The following PLD5 variants were observed in gnomAD, a reference collection of about 807,000 sequenced individuals.
The protein encoded by PLD5 is phospholipase D family member 5.
In PLD5, 36 loss-of-function variants were observed where a neutral mutation model predicts 61.1. The ratio of observed to expected loss-of-function variants is 0.59; its 90% CI spans 0.45 to 0.78. The LOEUF (loss-of-function observed/expected upper bound fraction) is 0.78. PLD5 is among the 30% of genes least tolerant of loss of function. The probability of loss-of-function intolerance (pLI) is 0.00; values close to 1 mark genes in which losing one functional copy is unlikely to be tolerated. For synonymous variants in PLD5, 243 were observed against 242.8 expected (o/e 1.00, Z -0.01); for missense variants, 515 against 644.4 (o/e 0.80, Z 2.17).
intron 1 of PLD5, among the ~76,000 whole-genome samples, chr1:242,521,891 GA>G (rs1463736277): frequency 2.6e-5 from 4 of 152,024 alleles, no homozygotes; most frequent in Admixed American, 1.3e-4. Flanking sequence ...ATTTCTATTA[GA>G]AATTACCATC....
chr1:242,325,281 T>C (rs1361903283), intron 2 of PLD5, among the ~76,000 whole-genome samples: 1 of 151,664 alleles, frequency 6.6e-6, no homozygotes, highest in Non-Finnish European at 1.5e-5. Flanking sequence ...ACCAATGTGC[T>C]GTAACTGTAA....
chr1:242,419,198 C>T (rs115871253), intron 1 of PLD5, among the ~76,000 whole-genome samples: 229 of 152,048 alleles, frequency 1.5e-3, no homozygotes, highest in African/African-American at 5.3e-3. Flanking sequence ...ATGAGATGGG[C>T]GCCTGGGTGG....
intron 5 of PLD5, among the ~76,000 whole-genome samples, chr1:242,197,632 ACTTT>A (rs57586304): frequency 0.15 from 21,497 of 141,408 alleles, 1,582 homozygotes; most frequent in East Asian, 0.18. Context: ...TTAATTGCAC[ACTTT>A]TTTTTTTTTT....
rs561252431 is a variant in PLD5, at chr1:242,510,633, CAGG to C, written c.189+13452_189+13454del. Among the ~76,000 whole-genome samples, 10 of 152,226 alleles carry C rather than the reference CAGG, an allele frequency of 6.6e-5. 1 individual carries two copies. The South Asian group carries it at 1.9e-3, about 28-fold the overall frequency. ...GGCCGAGGCGGGTGGATCATGAGGTCAGGAGATCGAGACCATTCTGGATAACAC... is the reference window on the plus strand; with the variant it reads ...GGCCGAGGCGGGTGGATCATGAGGTCAGATCGAGACCATTCTGGATAACAC... On this transcript the variant is annotated intron_variant, in intron 1 of 9. Transcript: ENST00000536534.
At chr1:242,497,397 C>T (rs977601366) in intron 1 of PLD5, among the ~76,000 whole-genome samples, 1 of 152,120 alleles carries the variant, frequency 6.6e-6, no homozygotes, top group African/African-American at 2.4e-5. Context: ...AAAAAATGAC[C>T]TCTCAGATGC....
chr1:242,171,276 A>C (rs974913521), intron 5 of PLD5, among the ~76,000 whole-genome samples: 10 of 152,334 alleles, frequency 6.6e-5, no homozygotes, highest in Middle Eastern at 3.4e-3. Flanking sequence ...TTTCATATCC[A>C]GCCAAACAGA....
At chr1:242,144,258 T>A (rs1047443925) in intron 5 of PLD5, among the ~76,000 whole-genome samples, 15 of 91,068 alleles carry the variant, frequency 1.6e-4, no homozygotes, top group African/African-American at 2.3e-4. Context: ...ATTTTATTTT[T>A]TTTTTAAAAT....
At chr1:242,504,613 A>G (rs966023073) in intron 1 of PLD5, among the ~76,000 whole-genome samples, 13 of 152,322 alleles carry the variant, frequency 8.5e-5, no homozygotes, top group Admixed American at 6.5e-4. Context: ...TAAATTCTAA[A>G]GTCTCCCCCA....
chr1:242,321,663 C>T (rs1574728617), intron 2 of PLD5, among the ~76,000 whole-genome samples: 1 of 152,142 alleles, frequency 6.6e-6, no homozygotes, highest in East Asian at 1.9e-4. Context: ...TTCTCTCCCT[C>T]CCATAACCTG....
At position 242,202,347 on chromosome 1, in the gene PLD5, A is replaced by T. The variant is rs79434842; in HGVS notation, c.735+17641T>A. Among the ~76,000 whole-genome samples, 570 of 152,286 alleles carry T rather than the reference A, an allele frequency of 3.7e-3. 1 individual carries two copies. The highest frequency in any genetic ancestry group is 6.5e-3 in the Admixed American group (100 of 15,300). On this transcript the variant is annotated intron_variant, in intron 5 of 9. Transcript: ENST00000536534. ...TCCCTGACATGTGCTGAGGGTTACTAATAATAATAATCATGGTGATGATGA... is the reference window on the plus strand; with the variant it reads ...TCCCTGACATGTGCTGAGGGTTACTTATAATAATAATCATGGTGATGATGA...
rs562622251 is a variant in PLD5 at position 242,414,896 on chromosome 1, T to TA, written c.190-66655dup. On this transcript the variant is annotated intron_variant, in intron 1 of 9. Transcript: ENST00000536534. Reference sequence around the variant, plus strand: ...CTTGTATCACAGATGAAGGGGTTGGTAAAATAGAAAAGGAAAAAGACCAAT... The same window carrying TA: ...CTTGTATCACAGATGAAGGGGTTGGTAAAAATAGAAAAGGAAAAAGACCAAT... Among the ~76,000 whole-genome samples, 133 of 152,236 alleles carry TA rather than the reference T, an allele frequency of 8.7e-4. 1 individual carries two copies. Among genetic ancestry groups the TA allele is most frequent in the African/African-American group, 3.2e-3 (132 of 41,554 alleles).
chr1:242,217,977 G>A (rs565458725), intron 5 of PLD5, among the ~76,000 whole-genome samples: 1 of 152,374 alleles, frequency 6.6e-6, no homozygotes, highest in Non-Finnish European at 1.5e-5. Flanking sequence ...TGATAAAGCA[G>A]TGGAAGGGAT....
At chr1:242,363,114 T>C (rs1661159353) in intron 1 of PLD5, among the ~76,000 whole-genome samples, 1 of 152,130 alleles carries the variant, frequency 6.6e-6, no homozygotes, top group South Asian at 2.1e-4. Context: ...AGCTGAGTGC[T>C]GATTGGCACA....
intron 1 of PLD5, among the ~76,000 whole-genome samples, chr1:242,485,541 A>G (rs1667930119): frequency 6.6e-6 from 1 of 152,188 alleles, no homozygotes; most frequent in Non-Finnish European, 1.5e-5. Flanking sequence ...AGAACTACAA[A>G]CCACTGAACA....
At chr1:242,317,154 C>A (rs887953166) in intron 2 of PLD5, among the ~76,000 whole-genome samples, 2 of 152,028 alleles carry the variant, frequency 1.3e-5, no homozygotes, top group Admixed American at 6.6e-5. Context: ...ATCCCAATTA[C>A]AGGCGCCCAC....
chr1:242,526,278 T>C (rs1380604051), upstream of PLD5, among the ~76,000 whole-genome samples: 1 of 152,080 alleles, frequency 6.6e-6, no homozygotes. Context: ...TTCAGCTACC[T>C]GGGAGGCTGA....
intron 3 of PLD5, among the ~76,000 whole-genome samples, chr1:242,270,346 A>G (rs1299878266): frequency 2.0e-5 from 3 of 151,900 alleles, no homozygotes; most frequent in African/African-American, 7.2e-5. Flanking sequence ...CACTTAGATC[A>G]ATAATCAGCC....
intron 2 of PLD5, among the ~76,000 whole-genome samples, chr1:242,316,572 A>G (rs1658002195): frequency 6.6e-6 from 1 of 152,230 alleles, no homozygotes; most frequent in Non-Finnish European, 1.5e-5. Context: ...CATTGAGGTG[A>G]TATATAAACT....
intron 5 of PLD5, among the ~76,000 whole-genome samples, chr1:242,136,642 G>A (rs949023930): frequency 1.3e-5 from 2 of 152,168 alleles, no homozygotes; most frequent in Non-Finnish European, 2.9e-5. Context: ...ATGGTACCAG[G>A]TGTGTGTTTC....
Sources: gnomAD v4.1 joint callset for allele counts (sites outside exome capture counted in the v4.1 genomes callset) on GRCh38, gnomAD v4.1.1 for gene constraint, MANE v1.5 for transcripts, NCBI Gene and HGNC (gene_info 2026-07-23, HGNC 2026-07-21) for gene names.